WDR81: variants seen among roughly 807,000 people sequenced by gnomAD.
The protein encoded by WDR81 is WD repeat domain 81.
In WDR81, 92 loss-of-function variants were observed where a neutral mutation model predicts 140.8. That is an observed-to-expected ratio of 0.65 (90% CI 0.55 to 0.78). The LOEUF (loss-of-function observed/expected upper bound fraction) is 0.78, where lower values mean the gene tolerates loss of function less well. WDR81 is among the 30% of genes least tolerant of loss of function. The probability of loss-of-function intolerance (pLI) is 0.00; values close to 1 mark genes in which losing one functional copy is unlikely to be tolerated. For synonymous variants in WDR81, 1,183 were observed against 1,156.4 expected (o/e 1.02, Z -0.47); for missense variants, 2,502 against 2,636.4 (o/e 0.95, Z 1.12).
intron 4 of WDR81, 40 bp downstream of exon 4, chr17:1,731,298 G>T: frequency 6.3e-7 from 1 of 1,593,698 alleles, no homozygotes; most frequent in Non-Finnish European, 8.5e-7. Context: ...GACCGGCCCA[G>T]CGGAGGGGCT....
chr17:1,734,127 G>A lies in WDR81; in HGVS notation c.5090G>A (p.Arg1697His), dbSNP rs1314525271. The change falls in exon 7 of 10, where the codon CGC becomes CAC. Residue 1697 changes from arginine to histidine, a missense_variant. By Grantham distance (29) the Arg-to-His change is conservative. This residue lies in a region of WDR81 where 1,737 missense variants were observed against 1,843.0 expected (regional missense o/e 0.94). Transcript: ENST00000409644. ...CCACGCCTCGTCTACACCCAGCACCGCAAGAGCGTCTTCTTCGTGGGCCAG... is the reference window on the plus strand; with the variant it reads ...CCACGCCTCGTCTACACCCAGCACCACAAGAGCGTCTTCTTCGTGGGCCAG... ...TAPRLVYTQH[R>H]KSVFFVGQLE... 3.1e-6 allele frequency: 5 copies of A among 1,600,060 alleles called. No individual in the cohort carries two copies. The highest frequency in any genetic ancestry group is 1.3e-5 in the African/African-American group (1 of 75,048).
Position 1,725,023 on chromosome 17 carries a change from C to T in WDR81, c.64C>T (p.Pro22Ser), listed in dbSNP as rs889918867. The T allele has an allele frequency of 3.4e-6, 5 of 1,471,476 alleles. No individual in the cohort carries two copies. Among genetic ancestry groups the T allele is most frequent in the African/African-American group, 2.8e-5 (2 of 70,456 alleles). The allele number at this position is 1,471,476 out of a possible 1,614,324, so 91.2% of individuals were successfully genotyped here. A position where few individuals can be genotyped will look rare whatever the true frequency, so the allele number is the denominator to read the frequency against. The change falls in exon 1 of 10, where the codon CCG (proline) becomes TCG (serine). Residue 22 changes from proline (P) to serine (S), a missense_variant. This residue lies in a region of WDR81 where 547 missense variants were observed against 513.8 expected (regional missense o/e 1.06). Coordinates refer to ENST00000409644, the MANE Select transcript of WDR81 (RefSeq NM_001163809.2). Reference sequence around the variant, plus strand: ...AACCCCGGCCGGGGGCTGGCATTCCCCGCCAAGCCCAGACATGCAGGAGCT... The same window carrying T: ...AACCCCGGCCGGGGGCTGGCATTCCTCGCCAAGCCCAGACATGCAGGAGCT... ...LRTPAGGWHSPPSPDMQELLR... is the reference protein window; with the variant it reads ...LRTPAGGWHSSPSPDMQELLR...
intron 1 of WDR81, among the ~76,000 whole-genome samples, chr17:1,728,980 G>A (rs928451496): frequency 6.6e-6 from 1 of 151,938 alleles, no homozygotes; most frequent in African/African-American, 2.4e-5. Context: ...CAAAAAAACA[G>A]CTCCTGCTTC....
chr17:1,729,890 G>A (rs138777722), intron 1 of WDR81, among the ~76,000 whole-genome samples: 4 of 151,870 alleles, frequency 2.6e-5, no homozygotes, highest in Non-Finnish European at 5.9e-5. Context: ...TGAACCCGGA[G>A]GTTCAAGGAG....
At position 1,724,779 on chromosome 17, in the gene WDR81, G is replaced by C. The variant is rs1048613127; in HGVS notation, c.-181G>C. 1.7e-5 allele frequency: 20 copies of C among 1,165,742 alleles called. No individual in the cohort carries two copies. The highest frequency in any genetic ancestry group is 2.1e-5 in the Non-Finnish European group (20 of 945,600). The allele number at this position is 1,165,742 out of a possible 1,614,324, so 72.2% of individuals were successfully genotyped here. On this transcript the variant is annotated 5_prime_UTR_variant, in exon 1 of 10. Coordinates refer to ENST00000409644, the MANE Select transcript of WDR81 (RefSeq NM_001163809.2). Reference sequence around the variant, plus strand: ...CCGCCGCGCCCGGAGCGCAGGACCCGCGGAGGGGTAAGCGCGCCCCCCGTC... The same window carrying C: ...CCGCCGCGCCCGGAGCGCAGGACCCCCGGAGGGGTAAGCGCGCCCCCCGTC...
chr17:1,726,495 G>A lies in WDR81; in HGVS notation c.1536G>A (p.Leu512=). 6.4e-7 allele frequency: 1 copy of A among 1,550,550 alleles called. No individual in the cohort carries two copies. Among genetic ancestry groups the A allele is most frequent in the Non-Finnish European group, 8.7e-7 (1 of 1,147,022 alleles). ...CCATCCACCCCGACATGCCTGACCT[G>A]GATGTGCCAGCCTGGTGCAGCTCCA... ...FRSIHPDMPD[L]DVPAWCSSSQ... The change falls in exon 1 of 10, where the codon CTG becomes CTA. Residue 512 remains leucine (L), a synonymous_variant. Transcript: ENST00000409644.
Position 1,732,694 on chromosome 17 carries a change from G to A in WDR81, c.4352G>A (p.Gly1451Asp), listed in dbSNP as rs1904465430. 1 of 1,610,764 alleles carries A rather than the reference G, an allele frequency of 6.2e-7. No individual in the cohort carries two copies. Among genetic ancestry groups the A allele is most frequent in the African/African-American group, 1.3e-5 (1 of 74,908 alleles). ...CTGAAGCTGGACCCTGCGGGCCGTG[G>A]TGAGGGCCAGCTGCCACAGGTGGTC... ...QDLKLDPAGR[G>D]EGQLPQVVFS... is the part of the protein sequence containing the mutation. The change falls in exon 6 of 10, where the codon GGT (glycine) becomes GAT (aspartate). Residue 1451 changes from glycine (G) to aspartate (D), a missense_variant. Around this residue, in one of 3 missense-constraint regions of WDR81, gnomAD observed 1,737 missense variants for 1,843.0 expected, o/e 0.94. Coordinates refer to ENST00000409644, the MANE Select transcript of WDR81 (RefSeq NM_001163809.2).
At position 1,735,963 on chromosome 17, in the gene WDR81, C is replaced by T. The variant is rs1904826734; in HGVS notation, c.5326-76C>T. On this transcript the variant is annotated intron_variant, in intron 8 of 9. Coordinates refer to ENST00000409644, the MANE Select transcript of WDR81 (RefSeq NM_001163809.2). This position sits in a 1 kb window ranked among gnomAD's most constrained non-coding sequence, Gnocchi z 4.2. Reference sequence around the variant, plus strand: ...GGCTCAGGCCTTCCTGCTGTGTGGGCTTGGGTGGTGGGCAGGGCCTTGGGG... The same window carrying T: ...GGCTCAGGCCTTCCTGCTGTGTGGGTTTGGGTGGTGGGCAGGGCCTTGGGG... The T allele has an allele frequency of 6.6e-7, 1 of 1,521,294 alleles. No individual in the cohort carries two copies. Among genetic ancestry groups the T allele is most frequent in the Admixed American group, 1.9e-5 (1 of 51,670 alleles). 94.2% of individuals were successfully genotyped at this position (1,521,294 alleles called of 1,614,324 possible).
rs769136952 is a variant in WDR81 at position 1,735,552 on chromosome 17, A to G, written c.5180-20A>G. On this transcript the variant is annotated intron_variant, in intron 7 of 9. Transcript: ENST00000409644. The surrounding 1 kb of genome is among the most constrained non-coding windows in gnomAD (Gnocchi z 4.2). ...CGTCAGCTGCTGGGACCCCAGATCC[A>G]CTGTGACTTTCCTTCCCAGGGAAGA... 8 of 1,583,844 alleles carry G rather than the reference A, an allele frequency of 5.1e-6. No homozygotes were observed. Among genetic ancestry groups the G allele is most frequent in the African/African-American group, 1.3e-5 (1 of 74,220 alleles).
chr17:1,728,758 T>A, intron 1 of WDR81, 132 bp downstream of exon 1: 1 of 1,205,876 alleles, frequency 8.3e-7, no homozygotes, highest in East Asian at 2.8e-5. Context: ...ATCGAGACCA[T>A]CCTAATAACA....
intron 1 of WDR81, among the ~76,000 whole-genome samples, chr17:1,717,717 T>C (rs1914655368): frequency 6.6e-6 from 1 of 152,194 alleles, no homozygotes; most frequent in South Asian, 2.1e-4. Flanking sequence ...GGGGATGTGA[T>C]TGTATGATCT....
chr17:1,716,763 G>A, intron 1 of WDR81: 10 of 1,052,656 alleles, frequency 9.5e-6, no homozygotes, highest in Non-Finnish European at 1.4e-5. Flanking sequence ...CGGCCTCTGC[G>A]GGACGCTATA....
In WDR81 at chr17:1,725,434, G is replaced by GGCCA; in HGVS notation, c.479_482dup (p.Tyr162AlafsTer34). ...GTGGCGCCATGCATACCACACTTAC[G>GGCCA]GCCAGCCGTACAGTCACAGCCCTGC... On this transcript the variant is annotated frameshift_variant, in exon 1 of 10. Transcript: ENST00000409644. LOFTEE classifies it high-confidence loss of function. The GGCCA allele has an allele frequency of 6.5e-7, 1 of 1,549,450 alleles. No homozygotes were observed. The highest frequency in any genetic ancestry group is 1.2e-5 in the South Asian group (1 of 84,066).
In WDR81 at chr17:1,726,639, G is replaced by T; in HGVS notation, c.1680G>T (p.Lys560Asn). 6.5e-7 allele frequency: 1 copy of T among 1,550,310 alleles called. No individual in the cohort carries two copies. Among genetic ancestry groups the T allele is most frequent in the Non-Finnish European group, 8.7e-7 (1 of 1,146,964 alleles). Residue 560 changes from lysine to asparagine, a missense_variant, in exon 1 of 10, where the codon AAG becomes AAT. Coordinates refer to ENST00000409644, the MANE Select transcript of WDR81 (RefSeq NM_001163809.2). ...AACTCCAGGGTAAGGAGGCTGTCAA[G>T]GAAAAGAATGTGTGTCTGCACCTGG... The part of the protein sequence containing the change: ...GYKLQGKEAV[K>N]EKNVCLHLVD...
chr17:1,735,650 C>G lies in WDR81; in HGVS notation c.5258C>G (p.Thr1753Ser). The G allele has an allele frequency of 6.2e-7, 1 of 1,613,016 alleles. No homozygotes were observed. The highest frequency in any genetic ancestry group is 1.1e-5 in the South Asian group (1 of 91,076). ...GTGGCTGTCATGCCCGCCCCCCACA[C>G]CAGCATCACCATGGCCAGCTCTGAC... ...TAVAVMPAPH[T>S]SITMASSDST... The change falls in exon 8 of 10, where the codon ACC (threonine) becomes AGC (serine). Residue 1753 changes from threonine (T) to serine (S), a missense_variant. By Grantham distance (58) the Thr-to-Ser change is moderately conservative. This residue lies in a region of WDR81 where 1,737 missense variants were observed against 1,843.0 expected (regional missense o/e 0.94). Coordinates refer to ENST00000409644, the MANE Select transcript of WDR81 (RefSeq NM_001163809.2). This position sits in a 1 kb window ranked among gnomAD's most constrained non-coding sequence, Gnocchi z 4.2.
At position 1,727,910 on chromosome 17, in the gene WDR81, C is replaced by T. The variant is rs1185551926; in HGVS notation, c.2951C>T (p.Thr984Met). 6.7e-5 allele frequency: 104 copies of T among 1,550,598 alleles called. No individual in the cohort carries two copies. The highest frequency in any genetic ancestry group is 8.0e-5 in the Non-Finnish European group (92 of 1,147,060). Residue 984 changes from threonine to methionine, a missense_variant, in exon 1 of 10, where the codon ACG becomes ATG. This residue lies in a region of WDR81 where 1,737 missense variants were observed against 1,843.0 expected (regional missense o/e 0.94). Coordinates refer to ENST00000409644, the MANE Select transcript of WDR81 (RefSeq NM_001163809.2). ...CTACACGGCCGCTTCTACCTGTACA[C>T]GGACTGCTTTGTGGCCCAGCTGATG... ...CQLHGRFYLY[T>M]DCFVAQLMVR... is the part of the protein sequence containing the mutation.
chr17:1,735,301 C>T lies in WDR81; in HGVS notation c.5180-271C>T, dbSNP rs552476015. 2.6e-5 allele frequency among the ~76,000 whole-genome samples: 4 copies of T among 152,248 alleles called. No homozygotes were observed. Among genetic ancestry groups the T allele is most frequent in the South Asian group, 2.1e-4 (1 of 4,816 alleles). On this transcript the variant is annotated intron_variant, in intron 7 of 9. Coordinates refer to ENST00000409644, the MANE Select transcript of WDR81 (RefSeq NM_001163809.2). The surrounding 1 kb of genome is among the most constrained non-coding windows in gnomAD (Gnocchi z 4.2). ...AAAATTAGCCAGGCGTGGTGGCGGA[C>T]GCCTGTAGTCCCAGCTATTCGGGAG...
chr17:1,728,506 C>G lies in WDR81; in HGVS notation c.3547C>G (p.Leu1183Val), dbSNP rs1423441158. The G allele has an allele frequency of 6.3e-7, 1 of 1,586,310 alleles. No homozygotes were observed. The highest frequency in any genetic ancestry group is 2.3e-5 in the East Asian group (1 of 43,546). The change falls in exon 1 of 10, where the codon CTG becomes GTG. Residue 1183 changes from leucine to valine, a missense_variant. By Grantham distance (32) the Leu-to-Val change is conservative (BLOSUM62 1). Transcript: ENST00000409644. ...GGTCACCGGGGCATCTGAGCTCACT[C>G]TGTCTGACACGGTGCTGTCCATGGA... ...EEVTGASELTLSDTVLSMETV... is the reference protein window; with the variant it reads ...EEVTGASELTVSDTVLSMETV...
rs547605605 is a variant in WDR81, at chr17:1,727,758, C to G, written c.2799C>G (p.Ser933=). The change falls in exon 1 of 10, where the codon TCC becomes TCG. Residue 933 remains serine, a synonymous_variant. Coordinates refer to ENST00000409644, the MANE Select transcript of WDR81 (RefSeq NM_001163809.2). ...TGCCCTTCGTGCTCTCACTCATGTC[C>G]GAGGAGCACACAGCTGTGTACACGG... is the stretch of plus-strand genomic sequence containing the variant. ...ILLPFVLSLM[S]EEHTAVYTAW... 3.2e-5 allele frequency: 49 copies of G among 1,550,598 alleles called. 1 individual carries two copies. In the Admixed American group the frequency reaches 9.2e-4, roughly 29 times the overall value.
Sources: allele counts gnomAD v4.1 joint callset (sites outside exome capture counted in the v4.1 genomes callset), GRCh38; gene constraint gnomAD v4.1.1; regional missense constraint gnomAD v4.1.1; non-coding constraint Gnocchi (gnomAD v3.1); transcripts MANE v1.5; gene names NCBI Gene and HGNC (gene_info 2026-07-23, HGNC 2026-07-21).